The following MAP7 variants were observed in gnomAD, a reference collection of about 807,000 sequenced individuals.
MAP7 encodes microtubule associated protein 7.
Under a neutral mutation model 94.8 loss-of-function variants are expected in MAP7, and 52 were observed. The observed-to-expected ratio is 0.55, with a 90% CI of 0.44 to 0.69. The LOEUF (loss-of-function observed/expected upper bound fraction) is 0.69, where lower values mean the gene tolerates loss of function less well. Among genes scored for constraint, MAP7 ranks in the 30% least tolerant of loss-of-function variants. The pLI is 0.00. For synonymous variants in MAP7, 350 were observed against 357.0 expected, an observed-to-expected ratio of 0.98 and a Z score of 0.22; for missense variants, 940 against 964.6, an observed-to-expected ratio of 0.97 and a Z score of 0.34.
At chr6:136,424,555 T>G (rs1254984848) in intron 1 of MAP7, among the ~76,000 whole-genome samples, 1 of 152,176 alleles carries the variant, frequency 6.6e-6, no homozygotes, top group Non-Finnish European at 1.5e-5. Flanking sequence ...GCATCAGACA[T>G]TTGGAGCCTT....
chr6:136,543,987 T>A (rs1829530276), intron 1 of MAP7, among the ~76,000 whole-genome samples: 1 of 152,124 alleles, frequency 6.6e-6, no homozygotes, highest in Non-Finnish European at 1.5e-5. Context: ...GGTGCTACCA[T>A]CTCGGCTCAC....
rs373020445 is a variant in MAP7 at position 136,347,204 on chromosome 6, G to A, written c.2016-1125C>T. On this transcript the variant is annotated intron_variant, in intron 16 of 17. Transcript: ENST00000354570. ...ATTTTACCATTCATTTTATTTCATT[G>A]CAGCATATACATATGTGTGCAAGCT... Among the ~76,000 whole-genome samples, 21 of 152,198 alleles carry A rather than the reference G, an allele frequency of 1.4e-4. No homozygotes were observed. In the East Asian group the frequency reaches 1.9e-3, roughly 14 times the overall value.
chr6:136,517,185 T>G (rs1194631989), intron 1 of MAP7, among the ~76,000 whole-genome samples: 1 of 152,204 alleles, frequency 6.6e-6, no homozygotes, highest in South Asian at 2.1e-4. Context: ...GGGTACTGCA[T>G]GAGCAATCTA....
intron 1 of MAP7, among the ~76,000 whole-genome samples, chr6:136,453,504 A>T (rs1286650766): frequency 6.6e-6 from 1 of 152,208 alleles, no homozygotes. Flanking sequence ...CAATCTAGTG[A>T]ATGTTCAGTG....
At chr6:136,469,506 C>T (rs375758453) in intron 1 of MAP7, among the ~76,000 whole-genome samples, 35 of 152,072 alleles carry the variant, frequency 2.3e-4, no homozygotes, top group African/African-American at 8.5e-4. Context: ...CTCAGCCTCT[C>T]GAGTAGCTGG....
At chr6:136,544,007 C>T (rs140022245) in intron 1 of MAP7, among the ~76,000 whole-genome samples, 2 of 152,034 alleles carry the variant, frequency 1.3e-5, no homozygotes, top group Admixed American at 6.5e-5. Flanking sequence ...CTACACCCTC[C>T]GTCTCCCAGG....
chr6:136,532,921 G>T (rs1175970779), intron 1 of MAP7, among the ~76,000 whole-genome samples: 2 of 152,212 alleles, frequency 1.3e-5, no homozygotes, highest in African/African-American at 4.8e-5. Context: ...GGTTAGAAGA[G>T]GGCCACACTA....
intron 11 of MAP7, 68 bp downstream of exon 11, chr6:136,362,382 T>C (rs916690264): frequency 6.4e-7 from 1 of 1,571,912 alleles, no homozygotes; most frequent in African/African-American, 1.3e-5. Context: ...CTCCTCCCTC[T>C]CAGAGGGGTG....
At chr6:136,378,268 T>A (rs1264134763) in intron 6 of MAP7, among the ~76,000 whole-genome samples, 4 of 152,166 alleles carry the variant, frequency 2.6e-5, no homozygotes, top group Non-Finnish European at 4.4e-5. Flanking sequence ...GTCAAAAGGC[T>A]TCCTAAGTAC....
chr6:136,378,056 T>C (rs1025086911), intron 6 of MAP7, among the ~76,000 whole-genome samples, 188 bp from the exon 7 acceptor site: 5 of 152,220 alleles, frequency 3.3e-5, no homozygotes, highest in African/African-American at 1.2e-4. Context: ...ACCAGGTTGC[T>C]TTTCTTCAAG....
At position 136,394,949 on chromosome 6, in the gene MAP7, T is replaced by TAC. The variant is rs1684755369; in HGVS notation, c.245-5433_245-5432insGT. Among the ~76,000 whole-genome samples the TAC allele has an allele frequency of 1.3e-4, 15 of 119,200 alleles. 1 individual carries two copies. The highest frequency in any genetic ancestry group is 4.2e-4 in the African/African-American group (14 of 33,298). 78.2% of individuals were successfully genotyped at this position (119,200 alleles called of 152,430 possible). A position where few individuals can be genotyped will look rare whatever the true frequency, so the allele number is the denominator to read the frequency against. ...ATTCCATCATATATATATATATATA[T>TAC]ATATATATATATATATATATATCAC... On this transcript the variant is annotated intron_variant, in intron 3 of 17. Coordinates refer to ENST00000354570, the MANE Select transcript of MAP7 (RefSeq NM_003980.6).
intron 2 of MAP7, among the ~76,000 whole-genome samples, chr6:136,414,924 C>G (rs1057272377): frequency 6.6e-5 from 10 of 151,750 alleles, no homozygotes; most frequent in Admixed American, 2.0e-4. Context: ...AAGCGATTCT[C>G]CTGCCTCAGC....
chr6:136,384,632 C>T (rs534698576), intron 5 of MAP7, among the ~76,000 whole-genome samples: 1 of 152,076 alleles, frequency 6.6e-6, no homozygotes, highest in East Asian at 1.9e-4. Context: ...TCTAGGCAGG[C>T]ATCACTACGC....
At chr6:136,526,985 G>A (rs1045256539) in intron 1 of MAP7, among the ~76,000 whole-genome samples, 8 of 152,098 alleles carry the variant, frequency 5.3e-5, no homozygotes, top group African/African-American at 7.2e-5. Context: ...AGATCACAAC[G>A]TGGAGTGTCT....
chr6:136,430,818 ATC>A lies in MAP7; in HGVS notation c.68-9021_68-9020del, dbSNP rs1242848356. On this transcript the variant is annotated intron_variant, in intron 1 of 17. Transcript: ENST00000354570. Reference sequence around the variant, plus strand: ...TCATCTTTGCAACTGTTTACGTCTCATCTCTTTTTCTTTCTTAGAGCAGTTTT... The same window carrying A: ...TCATCTTTGCAACTGTTTACGTCTCATCTTTTTCTTTCTTAGAGCAGTTTT... Among the ~76,000 whole-genome samples the A allele has an allele frequency of 3.3e-5, 5 of 152,104 alleles. No individual in the cohort carries two copies. In the East Asian group the frequency reaches 9.6e-4, roughly 29 times the overall value.
At chr6:136,431,524 A>ATTTATTTC (rs1413295777) in intron 1 of MAP7, among the ~76,000 whole-genome samples, 1 of 143,414 alleles carries the variant, frequency 7.0e-6, no homozygotes, top group Non-Finnish European at 1.5e-5. Flanking sequence ...TTATTTATTT[A>ATTTATTTC]TTTAATTTTT....
chr6:136,362,844 T>C, intron 10 of MAP7, 142 bp from the exon 11 acceptor site: 1 of 1,339,896 alleles, frequency 7.5e-7, no homozygotes, highest in Non-Finnish European at 9.9e-7. Flanking sequence ...GTTCTCACGG[T>C]TTCACTATGT....
chr6:136,431,199 TCTGA>T (rs1364222162), intron 1 of MAP7, among the ~76,000 whole-genome samples: 1 of 152,234 alleles, frequency 6.6e-6, no homozygotes, highest in African/African-American at 2.4e-5. Flanking sequence ...CATTTCTTTC[TCTGA>T]CTTTTACTGC....
chr6:136,493,527 G>C (rs1314635011), intron 1 of MAP7, among the ~76,000 whole-genome samples: 1 of 152,116 alleles, frequency 6.6e-6, no homozygotes, highest in Admixed American at 6.6e-5. Flanking sequence ...AAGGGATCCT[G>C]TCTCAGACAC....
Sources: allele counts gnomAD v4.1 joint callset (sites outside exome capture counted in the v4.1 genomes callset), GRCh38; gene constraint gnomAD v4.1.1; transcripts MANE v1.5; gene names NCBI Gene and HGNC (gene_info 2026-07-23, HGNC 2026-07-21).